BLOC1S3: variants seen among roughly 807,000 people sequenced by gnomAD.
BLOC1S3 encodes biogenesis of lysosomal organelles complex 1 subunit 3, also known as biogenesis of lysosome-related organelles complex 1 subunit 3.
BLOC1S3 carries 7 observed loss-of-function variants against 9.1 expected under a neutral mutation model. That is an observed-to-expected ratio of 0.77 (90% CI 0.44 to 1.45). The LOEUF (loss-of-function observed/expected upper bound fraction) is 1.45. Ranked by LOEUF, BLOC1S3 falls within the 40% of genes most tolerant of loss-of-function variation. The probability of loss-of-function intolerance (pLI) is 0.01; values close to 1 mark genes in which losing one functional copy is unlikely to be tolerated. For synonymous variants in BLOC1S3, 145 were observed against 158.4 expected (o/e 0.92, Z 0.64); for missense variants, 307 against 315.2 (o/e 0.97, Z 0.20).
At chr19:45,202,080 T>G (rs567664572) in intron 2 of BLOC1S3, among the ~76,000 whole-genome samples, 37 of 151,506 alleles carry the variant, frequency 2.4e-4, no homozygotes, top group African/African-American at 8.2e-4. Flanking sequence ...AAAAATTAGC[T>G]GGGCGCCTGT....
In BLOC1S3 at chr19:45,200,145, GC is replaced by G. The variant is rs1969679241; in HGVS notation, n.181-2260del. Among the ~76,000 whole-genome samples the G allele has an allele frequency of 4.6e-5, 7 of 150,874 alleles. No homozygotes were observed. In the East Asian group the frequency reaches 1.4e-3, roughly 29 times the overall value. ...TCAATTCTACTGTTCAGAGACTGATGCATTCTTCAGTGTGTCAGTTGAATTT... is the reference window on the plus strand; with the variant it reads ...TCAATTCTACTGTTCAGAGACTGATGATTCTTCAGTGTGTCAGTTGAATTT... On this transcript the variant is annotated intron_variant and non_coding_transcript_variant, in intron 2 of 3. Coordinates refer to the BLOC1S3 transcript ENST00000591569.
intron 3 of BLOC1S3, among the ~76,000 whole-genome samples, chr19:45,202,718 T>C (rs1363750686): frequency 1.3e-5 from 2 of 152,088 alleles, no homozygotes; most frequent in East Asian, 3.9e-4. Context: ...AGCAGGAGTC[T>C]TTCCCCAGGG....
chr19:45,199,610 G>A (rs1416642674), intron 2 of BLOC1S3, among the ~76,000 whole-genome samples: 1 of 151,764 alleles, frequency 6.6e-6, no homozygotes, highest in Non-Finnish European at 1.5e-5. Context: ...CACTGCGCCT[G>A]GCCTTTATTC....
chr19:45,215,050 G>A (rs904419389), intron 3 of BLOC1S3, among the ~76,000 whole-genome samples: 16 of 151,988 alleles, frequency 1.1e-4, no homozygotes, highest in African/African-American at 3.9e-4. Flanking sequence ...GGAGGCTGAG[G>A]CACAATAATC....
At chr19:45,216,167 C>A (rs776797360) in intron 3 of BLOC1S3, 3 of 1,613,872 alleles carry the variant, frequency 1.9e-6, no homozygotes, top group Non-Finnish European at 2.5e-6. Context: ...TGGGGCACCA[C>A]GGCATCCAGC....
chr19:45,214,302 G>A (rs1312767432), intron 3 of BLOC1S3, among the ~76,000 whole-genome samples: 1 of 152,082 alleles, frequency 6.6e-6, no homozygotes, highest in Admixed American at 6.6e-5. Flanking sequence ...TTGTTTTTCT[G>A]GGGTTCTGTT....
downstream of BLOC1S3, among the ~76,000 whole-genome samples, chr19:45,182,095 ATAGT>A (rs1345037055): frequency 1.3e-5 from 2 of 152,220 alleles, no homozygotes; most frequent in East Asian, 3.8e-4. Context: ...GTTCTCATAG[ATAGT>A]TCTAGTAATC....
At chr19:45,188,693 C>T (rs1462249879) in intron 2 of BLOC1S3, among the ~76,000 whole-genome samples, 1 of 151,712 alleles carries the variant, frequency 6.6e-6, no homozygotes, top group Non-Finnish European at 1.5e-5. Flanking sequence ...CTGCCTCAGC[C>T]TCCCAAGTAG....
chr19:45,211,641 C>T (rs536057847), intron 3 of BLOC1S3, among the ~76,000 whole-genome samples: 5 of 151,622 alleles, frequency 3.3e-5, no homozygotes, highest in East Asian at 1.9e-4. Flanking sequence ...GGAACCTCAG[C>T]CCAGAGAGGG....
At chr19:45,195,121 C>T (rs922124840) in intron 2 of BLOC1S3, among the ~76,000 whole-genome samples, 2 of 152,054 alleles carry the variant, frequency 1.3e-5, no homozygotes, top group African/African-American at 4.8e-5. Flanking sequence ...GTTGGTCAGG[C>T]TGGGCTTGAA....
chr19:45,212,133 G>A (rs1392721597), intron 3 of BLOC1S3, among the ~76,000 whole-genome samples: 1 of 152,240 alleles, frequency 6.6e-6, no homozygotes, highest in South Asian at 2.1e-4. Flanking sequence ...GGCACTTTGA[G>A]ATTGACCAGA....
At chr19:45,209,712 T>C (rs182645183) in intron 3 of BLOC1S3, among the ~76,000 whole-genome samples, 2,208 of 151,764 alleles carry the variant, frequency 0.015, 18 homozygotes, top group South Asian at 0.027. Flanking sequence ...TGAGCCACCA[T>C]GCCCGGCCTA....
intron 2 of BLOC1S3, among the ~76,000 whole-genome samples, chr19:45,200,815 A>T (rs1969685303): frequency 6.6e-6 from 1 of 152,210 alleles, no homozygotes; most frequent in Non-Finnish European, 1.5e-5. Context: ...CTTGCCAGGA[A>T]ATTGAGTGTT....
chr19:45,179,774 G>T lies in BLOC1S3; in HGVS notation c.478G>T (p.Val160Leu), dbSNP rs201502372. The change falls in exon 2 of 2, where the codon GTG (valine) becomes TTG (leucine). Residue 160 changes from valine (V) to leucine (L), a missense_variant. Val to Leu is a conservative substitution (Grantham distance 32). Coordinates refer to ENST00000433642, the MANE Select transcript of BLOC1S3 (RefSeq NM_212550.5). The surrounding 1 kb of genome is among the most constrained non-coding windows in gnomAD (Gnocchi z 4.6). ...GGCGGGGCTGGCGGCGGCCCACAGC[G>T]TGCGCCTGGCGCGCGGGGACCTTTG... ...QAAGLAAAHS[V>L]RLARGDLCAL... The T allele has an allele frequency of 2.5e-3, 3,896 of 1,543,998 alleles. 8 individuals carry two copies. The highest frequency in any genetic ancestry group is 6.5e-3 in the Middle Eastern group (38 of 5,838).
At chr19:45,209,172 CTGAG>C (rs1357859923) in intron 3 of BLOC1S3, among the ~76,000 whole-genome samples, 1 of 151,892 alleles carries the variant, frequency 6.6e-6, no homozygotes, top group East Asian at 1.9e-4. Flanking sequence ...CCTCAGCCTC[CTGAG>C]TAACTGGGAT....
intron 2 of BLOC1S3, among the ~76,000 whole-genome samples, chr19:45,194,680 C>G (rs1969634040): frequency 6.6e-6 from 1 of 152,128 alleles, no homozygotes; most frequent in African/African-American, 2.4e-5. Flanking sequence ...ATGTATCTCA[C>G]AAGCATAATG....
At chr19:45,182,704 G>GA (rs1341027778), downstream of BLOC1S3, among the ~76,000 whole-genome samples, 1 of 152,094 alleles carries the variant, frequency 6.6e-6, no homozygotes, top group Non-Finnish European at 1.5e-5. Flanking sequence ...ATAAAATAGA[G>GA]ACGAGCTCTC....
rs963808687 is a variant in BLOC1S3, at chr19:45,181,673, A to G, written c.*1768A>G. 1.8e-5 allele frequency: 3 copies of G among 166,906 alleles called. No individual in the cohort carries two copies. Among genetic ancestry groups the G allele is most frequent in the African/African-American group, 7.3e-5 (3 of 41,344 alleles). 10.3% of individuals were successfully genotyped at this position (166,906 alleles called of 1,614,324 possible). On this transcript the variant is annotated 3_prime_UTR_variant, in exon 2 of 2. Coordinates refer to ENST00000433642, the MANE Select transcript of BLOC1S3 (RefSeq NM_212550.5). ...GCTCTGGTCCCTCAGCCGCATTCAT[A>G]TTTACTCTCCTCTCCCAGCCTGATA...
chr19:45,204,280 C>T lies in BLOC1S3; in HGVS notation n.282+1773C>T, dbSNP rs530043957. ...CTCGGTTTACTGCAAACCTCCGCCT[C>T]CTGGGTTCAAGCGATTCTCCTGCCT... is the stretch of plus-strand genomic sequence containing the variant. On this transcript the variant is annotated intron_variant and non_coding_transcript_variant, in intron 3 of 3. Coordinates refer to the BLOC1S3 transcript ENST00000591569. Among the ~76,000 whole-genome samples, 855 of 150,038 alleles carry T rather than the reference C, an allele frequency of 5.7e-3. 6 individuals are homozygous for T. Among genetic ancestry groups the T allele is most frequent in the African/African-American group, 0.02 (826 of 40,680 alleles).
Sources: allele counts gnomAD v4.1 joint callset (sites outside exome capture counted in the v4.1 genomes callset), GRCh38; gene constraint gnomAD v4.1.1; non-coding constraint Gnocchi (gnomAD v3.1); transcripts MANE v1.5; gene names NCBI Gene and HGNC (gene_info 2026-07-23, HGNC 2026-07-21).